KLF12: variants seen among roughly 807,000 people sequenced by gnomAD.
KLF12 encodes KLF transcription factor 12, also known as Krueppel-like factor 12.
A neutral mutation model predicts 37.8 loss-of-function variants in KLF12; 9 were observed. The ratio of observed to expected loss-of-function variants is 0.24; its 90% CI spans 0.14 to 0.42. The LOEUF (loss-of-function observed/expected upper bound fraction) is 0.42. Ranked by LOEUF, KLF12 falls within the 10% of genes least tolerant of loss-of-function variation. The probability of loss-of-function intolerance (pLI) is 1.00; values close to 1 mark genes in which losing one functional copy is unlikely to be tolerated. For missense variants in KLF12, 411 were observed against 516.0 expected (o/e 0.80, Z 1.97); for synonymous variants, 208 against 202.1 (o/e 1.03, Z -0.25).
At chr13:74,173,063 T>G in the KLF12 span, among the ~76,000 whole-genome samples, 2 of 152,182 alleles carry the variant, frequency 1.3e-5, no homozygotes, top group African/African-American at 4.8e-5. Context: ...AACACATAGC[T>G]TAGAAACAAG....
the KLF12 span, among the ~76,000 whole-genome samples, chr13:74,186,207 A>C: frequency 7.2e-5 from 11 of 152,120 alleles, no homozygotes; most frequent in South Asian, 1.9e-3. Context: ...TTTTCTTAGG[A>C]GATATGTAAG....
At chr13:74,019,062 A>T (rs974979701) in intron 1 of KLF12, among the ~76,000 whole-genome samples, 1 of 152,210 alleles carries the variant, frequency 6.6e-6, no homozygotes, top group African/African-American at 2.4e-5. Flanking sequence ...AATTTATAAT[A>T]ACATATTAGA....
At chr13:74,176,719 T>G in the KLF12 span, among the ~76,000 whole-genome samples, 1 of 152,162 alleles carries the variant, frequency 6.6e-6, no homozygotes, top group Non-Finnish European at 1.5e-5. Flanking sequence ...TCCTTCCTTG[T>G]CCAATCTGAA....
intron 2 of KLF12, among the ~76,000 whole-genome samples, chr13:73,945,346 G>A (rs918481044): frequency 5.9e-5 from 9 of 152,154 alleles, no homozygotes; most frequent in African/African-American, 2.2e-4. Context: ...GCAGGCACCT[G>A]TAATCCAAGC....
chr13:74,287,053 C>T, the KLF12 span, among the ~76,000 whole-genome samples: 7 of 152,296 alleles, frequency 4.6e-5, no homozygotes, highest in Non-Finnish European at 1.0e-4. Flanking sequence ...TGGCTCTTTC[C>T]TAGCCCTGGT....
intron 1 of KLF12, among the ~76,000 whole-genome samples, chr13:74,123,118 T>TA (rs1314273481): frequency 2.0e-5 from 3 of 152,160 alleles, no homozygotes; most frequent in South Asian, 2.1e-4. Flanking sequence ...TTTGAAAACT[T>TA]AAAGAGTCAC....
At chr13:73,818,476 T>A (rs1472723485) in intron 4 of KLF12, among the ~76,000 whole-genome samples, 2 of 152,248 alleles carry the variant, frequency 1.3e-5, no homozygotes, top group Admixed American at 6.5e-5. Flanking sequence ...AATAGTAGAC[T>A]GACACAGATG....
intron 3 of KLF12, among the ~76,000 whole-genome samples, chr13:73,931,185 T>C (rs557017061): frequency 6.6e-6 from 1 of 152,186 alleles, no homozygotes; most frequent in East Asian, 1.9e-4. Context: ...ATCTGAAATA[T>C]TTTACATCAC....
At chr13:73,984,531 A>G (rs533000956) in intron 2 of KLF12, among the ~76,000 whole-genome samples, 47 of 151,830 alleles carry the variant, frequency 3.1e-4, no homozygotes, top group African/African-American at 1.1e-3. Flanking sequence ...GCCCTTGTAC[A>G]TCCAGTGTGG....
intron 1 of KLF12, among the ~76,000 whole-genome samples, chr13:74,013,728 G>C (rs770279987): frequency 1.3e-5 from 2 of 152,020 alleles, no homozygotes; most frequent in African/African-American, 4.8e-5. Context: ...TATTTTACTT[G>C]TAGGGTTTTT....
chr13:73,914,093 C>G (rs1417047156), intron 3 of KLF12, among the ~76,000 whole-genome samples: 1 of 150,760 alleles, frequency 6.6e-6, no homozygotes, highest in Non-Finnish European at 1.5e-5. Flanking sequence ...AATAAATGTT[C>G]CCTGGCACCT....
At chr13:73,824,944 T>C (rs1253538891) in intron 4 of KLF12, among the ~76,000 whole-genome samples, 1 of 151,868 alleles carries the variant, frequency 6.6e-6, no homozygotes, top group Non-Finnish European at 1.5e-5. Context: ...TGGCGTGCAC[T>C]TGTAATCCCC....
At chr13:74,200,450 G>C in the KLF12 span, among the ~76,000 whole-genome samples, 2 of 152,042 alleles carry the variant, frequency 1.3e-5, no homozygotes, top group African/African-American at 4.8e-5. Flanking sequence ...GTCATGGAAG[G>C]GTTTAAAGAT....
At chr13:73,761,535 T>C (rs1221733607) in intron 6 of KLF12, among the ~76,000 whole-genome samples, 1 of 152,166 alleles carries the variant, frequency 6.6e-6, no homozygotes. Flanking sequence ...CTTCCTACAA[T>C]TGCACGCCCT....
At chr13:74,085,076 C>T (rs1421289790) in intron 1 of KLF12, among the ~76,000 whole-genome samples, 4 of 152,056 alleles carry the variant, frequency 2.6e-5, no homozygotes, top group Middle Eastern at 3.4e-3. Context: ...TAGATGACCA[C>T]GTGAAAGAAG....
At chr13:73,726,049 T>C (rs1876642486) in intron 6 of KLF12, among the ~76,000 whole-genome samples, 2 of 151,956 alleles carry the variant, frequency 1.3e-5, no homozygotes, top group South Asian at 4.2e-4. Context: ...TGTATTGTTT[T>C]TAGTAAAGAC....
chr13:74,274,046 C>T, the KLF12 span, among the ~76,000 whole-genome samples: 79 of 152,156 alleles, frequency 5.2e-4, no homozygotes, highest in African/African-American at 1.7e-3. Context: ...AGGCATGCAC[C>T]GAAAATCATC....
intron 7 of KLF12, among the ~76,000 whole-genome samples, chr13:73,701,683 G>C (rs1874564825): frequency 6.6e-6 from 1 of 152,090 alleles, no homozygotes; most frequent in Non-Finnish European, 1.5e-5. Flanking sequence ...GATGTAAAGA[G>C]AAAAATCAAA....
chr13:73,840,661 T>G (rs1439241050), intron 4 of KLF12, among the ~76,000 whole-genome samples: 2 of 152,100 alleles, frequency 1.3e-5, no homozygotes, highest in African/African-American at 4.8e-5. Context: ...TTCCCCATAT[T>G]CTTTACAGCA....
Sources: gnomAD v4.1 joint callset for allele counts (sites outside exome capture counted in the v4.1 genomes callset) on GRCh38, gnomAD v4.1.1 for gene constraint, MANE v1.5 for transcripts, NCBI Gene and HGNC (gene_info 2026-07-23, HGNC 2026-07-21) for gene names.